The following NINL variants were observed in gnomAD, a reference collection of about 807,000 sequenced individuals.
NINL encodes ninein like.
NINL carries 153 observed loss-of-function variants against 160.3 expected under a neutral mutation model. That is an observed-to-expected ratio of 0.95 (90% CI 0.84 to 1.09). The LOEUF (loss-of-function observed/expected upper bound fraction) is 1.09. NINL is among the 50% of genes least tolerant of loss of function. The probability of loss-of-function intolerance (pLI) is 0.00; values close to 1 mark genes in which losing one functional copy is unlikely to be tolerated. For missense variants in NINL, 1,829 were observed against 1,764.0 expected (o/e 1.04, Z -0.66); for synonymous variants, 800 against 734.8 (o/e 1.09, Z -1.43).
rs2063933959 is a variant in NINL at position 25,504,939 on chromosome 20, C to T, written c.657G>A (p.Gln219=). 2 of 1,612,552 alleles carry T rather than the reference C, an allele frequency of 1.2e-6. No homozygotes were observed. Among genetic ancestry groups the T allele is most frequent in the Non-Finnish European group, 1.7e-6 (2 of 1,180,002 alleles). Residue 219 remains glutamine (Q), a synonymous_variant, in exon 6 of 24, where the codon CAG becomes CAA. Transcript: ENST00000278886. Reference sequence around the variant, plus strand: ...CGCTCTGGCAGACCACAGCCAGCTCCTGCTCGCTCAGGTGTCCGCTGCTGC... The same window carrying T: ...CGCTCTGGCAGACCACAGCCAGCTCTTGCTCGCTCAGGTGTCCGCTGCTGC... ...GVGSSGHLSE[Q]ELAVVCQSVG...
At chr20:25,468,552 C>T (rs1381198365) in intron 18 of NINL, among the ~76,000 whole-genome samples, 1 of 124,266 alleles carries the variant, frequency 8.0e-6, no homozygotes, top group Non-Finnish European at 1.6e-5. Flanking sequence ...CCGACTCTCA[C>T]TGGTGCGCAC....
chr20:25,512,794 C>A, intron 4 of NINL, 40 bp downstream of exon 4: 1 of 1,565,676 alleles, frequency 6.4e-7, no homozygotes, highest in Non-Finnish European at 8.7e-7. Flanking sequence ...TTGTTATTCC[C>A]AACACTGGGC....
chr20:25,501,962 T>C (rs2063876882), intron 7 of NINL, among the ~76,000 whole-genome samples: 5 of 151,856 alleles, frequency 3.3e-5, no homozygotes, highest in Admixed American at 3.3e-4. Context: ...TCTAAATTAT[T>C]TAGGTTTTTA....
At chr20:25,504,655 A>G (rs1174666987) in intron 6 of NINL, among the ~76,000 whole-genome samples, 1 of 152,182 alleles carries the variant, frequency 6.6e-6, no homozygotes, top group Admixed American at 6.5e-5. Flanking sequence ...TGCCTGCTAC[A>G]CCTGAGCGTG....
At chr20:25,473,268 T>C (rs948110635) in intron 17 of NINL, among the ~76,000 whole-genome samples, 4 of 152,102 alleles carry the variant, frequency 2.6e-5, no homozygotes, top group South Asian at 4.1e-4. Flanking sequence ...ATTCTCCTAA[T>C]TGTACAAATA....
At chr20:25,516,039 G>C (rs1223022653) in intron 3 of NINL, among the ~76,000 whole-genome samples, 4 of 152,124 alleles carry the variant, frequency 2.6e-5, no homozygotes, top group Admixed American at 2.0e-4. Context: ...CTCCCAAAGT[G>C]CTGGGATTAC....
At chr20:25,570,529 G>A (rs897274273) in intron 1 of NINL, among the ~76,000 whole-genome samples, 5 of 152,004 alleles carry the variant, frequency 3.3e-5, no homozygotes, top group Non-Finnish European at 7.4e-5. Context: ...AGCAGAAGCC[G>A]CTATGCTTCC....
intron 10 of NINL, among the ~76,000 whole-genome samples, chr20:25,493,476 A>G (rs2063682482): frequency 6.6e-6 from 1 of 152,140 alleles, no homozygotes; most frequent in African/African-American, 2.4e-5. Flanking sequence ...GGGAGAGGAA[A>G]TGAGTTCCTG....
intron 13 of NINL, among the ~76,000 whole-genome samples, chr20:25,485,139 T>G (rs1245982076): frequency 1.3e-5 from 2 of 152,124 alleles, no homozygotes; most frequent in African/African-American, 4.8e-5. Flanking sequence ...ATAAAGGATA[T>G]TAAAGAAACA....
rs776279809 is a variant in NINL at position 25,462,551 on chromosome 20, A to G, written c.3424-10T>C. 5.6e-5 allele frequency: 90 copies of G among 1,595,122 alleles called. No homozygotes were observed. In the African/African-American group the frequency reaches 1.0e-3, roughly 18 times the overall value. On this transcript the variant is annotated splice_polypyrimidine_tract_variant and intron_variant, in intron 19 of 23. Transcript: ENST00000278886. ...CCTTGTAGTTCTGATTCTGGGGGAA[A>G]AAGTTTTTAAATACATAAGAAAAAA...
chr20:25,453,358 G>A lies in NINL; in HGVS notation c.*93C>T, dbSNP rs2090578499. The A allele has an allele frequency of 8.9e-7, 1 of 1,119,938 alleles. No homozygotes were observed. Among genetic ancestry groups the A allele is most frequent in the South Asian group, 1.5e-5 (1 of 65,498 alleles). The allele number at this position is 1,119,938 out of a possible 1,614,324, so 69.4% of individuals were successfully genotyped here. A position where few individuals can be genotyped will look rare whatever the true frequency, so the allele number is the denominator to read the frequency against. On this transcript the variant is annotated 3_prime_UTR_variant, in exon 24 of 24. Coordinates refer to ENST00000278886, the MANE Select transcript of NINL (RefSeq NM_025176.6). ...GAATCCCAATCCTCAGATGTCCCAG[G>A]ACTCATGGCTCATGACCCACGGAAT...
intron 17 of NINL, among the ~76,000 whole-genome samples, chr20:25,475,464 T>C (rs1411712328): frequency 6.6e-6 from 1 of 152,172 alleles, no homozygotes; most frequent in East Asian, 1.9e-4. Flanking sequence ...AAAAGAAAAC[T>C]GCAGACCAAT....
In NINL at chr20:25,455,753, C is replaced by G. The variant is rs762190663; in HGVS notation, c.3877G>C (p.Glu1293Gln). 4.3e-6 allele frequency: 7 copies of G among 1,614,156 alleles called. No homozygotes were observed. The highest frequency in any genetic ancestry group is 2.2e-5 in the East Asian group (1 of 44,878). The change falls in exon 23 of 24, where the codon GAG becomes CAG. Residue 1293 changes from glutamate to glutamine, a missense_variant. Glu to Gln is a conservative substitution (Grantham distance 29, BLOSUM62 2). Coordinates refer to ENST00000278886, the MANE Select transcript of NINL (RefSeq NM_025176.6). ...ATCATCTCCGCCTCTTCCACCCGCT[C>G]TTCTGTGGCTTTCAGCTGTTTCTCA... ...EHEKQLKATE[E>Q]RVEEAEMILK...
intron 3 of NINL, among the ~76,000 whole-genome samples, chr20:25,515,310 C>T (rs140320403): frequency 1.3e-3 from 204 of 152,314 alleles, no homozygotes; most frequent in African/African-American, 4.5e-3. Context: ...TTGCATGGGG[C>T]CTGTAGCCCC....
chr20:25,496,615 G>GTA (rs2063758844), intron 10 of NINL, 48 bp downstream of exon 10: 1 of 1,604,970 alleles, frequency 6.2e-7, no homozygotes, highest in Non-Finnish European at 8.5e-7. Context: ...CCCTCAAAGG[G>GTA]GCTGGGGAGG....
chr20:25,500,370 TGGTGGGAAGGGCCTGGGG>T lies in NINL; in HGVS notation c.1032+452_1032+469del, dbSNP rs557788673. The stretch of plus-strand genomic sequence containing the variant: ...GGTGCACCTCCTGACACCTGGCCCA[TGGTGGGAAGGGCCTGGGG>T]TAAGTGGGCGCCATGGGGGAGAACA... On this transcript the variant is annotated intron_variant, in intron 8 of 23. Transcript: ENST00000278886. Among the ~76,000 whole-genome samples the T allele has an allele frequency of 3.7e-3, 561 of 152,134 alleles. 1 individual carries two copies. Among genetic ancestry groups the T allele is most frequent in the Non-Finnish European group, 5.3e-3 (361 of 67,980 alleles).
chr20:25,560,704 C>T (rs574631561), intron 1 of NINL, among the ~76,000 whole-genome samples: 6 of 152,052 alleles, frequency 3.9e-5, no homozygotes, highest in Admixed American at 3.3e-4. Context: ...TGTCTCCTTG[C>T]AAGGTATTCA....
In NINL at chr20:25,512,786, G is replaced by A. The variant is rs202028849; in HGVS notation, c.450+48C>T. 1.3e-4 allele frequency: 195 copies of A among 1,542,536 alleles called. No homozygotes were observed. The African/African-American group carries it at 2.4e-3, about 19-fold the overall frequency. Reference sequence around the variant, plus strand: ...CAAAAAGGGATGAAGGGAAGCATTTGTTATTCCCAACACTGGGCAGCTGGG... The same window carrying A: ...CAAAAAGGGATGAAGGGAAGCATTTATTATTCCCAACACTGGGCAGCTGGG... On this transcript the variant is annotated intron_variant, in intron 4 of 23. Transcript: ENST00000278886.
chr20:25,532,601 C>A (rs2064484396), intron 1 of NINL, among the ~76,000 whole-genome samples: 1 of 152,246 alleles, frequency 6.6e-6, no homozygotes, highest in African/African-American at 2.4e-5. Context: ...GCATTCAGAG[C>A]CGCTCCTCTC....
Sources: allele counts gnomAD v4.1 joint callset (sites outside exome capture counted in the v4.1 genomes callset), GRCh38; gene constraint gnomAD v4.1.1; transcripts MANE v1.5; gene names NCBI Gene and HGNC (gene_info 2026-07-23, HGNC 2026-07-21).